IQCH: variants seen among roughly 807,000 people sequenced by gnomAD.
The protein encoded by IQCH is IQ domain-containing protein H.
Under a neutral mutation model 117.0 loss-of-function variants are expected in IQCH, and 98 were observed. The observed-to-expected ratio is 0.84, with a 90% CI of 0.71 to 0.99. The LOEUF is 0.99. IQCH is among the 50% of genes least tolerant of loss of function. IQCH has a pLI of 0.00. For missense variants in IQCH, 1,102 were observed against 1,243.8 expected, an observed-to-expected ratio of 0.89 and a Z score of 1.72; for synonymous variants, 412 against 448.2, an observed-to-expected ratio of 0.92 and a Z score of 1.02.
chr15:67,313,993 C>G (rs1967724132), intron 4 of IQCH, among the ~76,000 whole-genome samples: 1 of 152,124 alleles, frequency 6.6e-6, no homozygotes, highest in African/African-American at 2.4e-5. Flanking sequence ...GCAGCACCTT[C>G]CCCTGACCAT....
chr15:67,324,236 C>A (rs187749759), intron 4 of IQCH, among the ~76,000 whole-genome samples: 1 of 151,552 alleles, frequency 6.6e-6, no homozygotes, highest in Non-Finnish European at 1.5e-5. Context: ...TGAGCTACCA[C>A]GCCCAGCCTC....
In IQCH at chr15:67,336,646, ACCT is replaced by A. The variant is rs1968904375; in HGVS notation, c.388-324_388-322del. On this transcript the variant is annotated intron_variant, in intron 4 of 20. Transcript: ENST00000335894. ...GGTACAAAACTTTGCTGTATTCAAAACCTCCTCTGTCAAGATTTAGCATTTGTA... is the reference window on the plus strand; with the variant it reads ...GGTACAAAACTTTGCTGTATTCAAAACCTCTGTCAAGATTTAGCATTTGTA... 2.0e-5 allele frequency among the ~76,000 whole-genome samples: 3 copies of A among 152,254 alleles called. No homozygotes were observed. The South Asian group carries it at 6.2e-4, about 32-fold the overall frequency.
chr15:67,292,044 A>G, intron 4 of IQCH, among the ~76,000 whole-genome samples: 1 of 152,048 alleles, frequency 6.6e-6, no homozygotes, highest in East Asian at 1.9e-4. Flanking sequence ...ATGAGAGTGA[A>G]GCCCTCATGA....
rs780433894 is a variant in IQCH at position 67,359,914 on chromosome 15, T to A, written c.753+29T>A. ...TGTAATTTGTGTGACTAGTTGAAAT[T>A]TAGGGTCTGTCACCTGATGTCCCTT... is the stretch of plus-strand genomic sequence containing the variant. On this transcript the variant is annotated intron_variant, in intron 8 of 20. Transcript: ENST00000335894. This position sits in a 1 kb window ranked among gnomAD's most constrained non-coding sequence, Gnocchi z 4.5. 6.3e-7 allele frequency: 1 copy of A among 1,587,142 alleles called. No individual in the cohort carries two copies. Among genetic ancestry groups the A allele is most frequent in the Non-Finnish European group, 8.7e-7 (1 of 1,155,482 alleles).
At chr15:67,261,223 T>A (rs1596049520) in intron 1 of IQCH, 49 bp from the exon 2 acceptor site, 1 of 1,321,420 alleles carries the variant, frequency 7.6e-7, no homozygotes, top group African/African-American at 1.5e-5. Flanking sequence ...CTGCTATAGG[T>A]GGACTATGTG....
At chr15:67,302,964 A>G (rs776819228) in intron 4 of IQCH, among the ~76,000 whole-genome samples, 2 of 152,344 alleles carry the variant, frequency 1.3e-5, no homozygotes, top group African/African-American at 2.4e-5. Flanking sequence ...CTTATCTAGC[A>G]TACATTCTGT....
In IQCH at chr15:67,406,163, C is replaced by A. The variant is rs1971894168; in HGVS notation, c.2097+5858C>A. On this transcript the variant is annotated intron_variant, in intron 14 of 20. Coordinates refer to ENST00000335894, the MANE Select transcript of IQCH (RefSeq NM_001031715.3). This position sits in a 1 kb window ranked among gnomAD's most constrained non-coding sequence, Gnocchi z 4.5. ...GATCATTTTAGTGAGCCTGTAAATT[C>A]CCAAAAAGCTTTGAGTAGCCCACCT... 6.6e-6 allele frequency: 1 copy of A among 152,194 alleles called. No individual in the cohort carries two copies. Among genetic ancestry groups the A allele is most frequent in the African/African-American group, 2.4e-5 (1 of 41,442 alleles). The allele number at this position is 152,194 out of a possible 1,614,324, so 9.4% of individuals were successfully genotyped here. A position where few individuals can be genotyped will look rare whatever the true frequency, so the allele number is the denominator to read the frequency against.
intron 4 of IQCH, among the ~76,000 whole-genome samples, chr15:67,327,006 A>G (rs1968442127): frequency 6.6e-6 from 1 of 152,206 alleles, no homozygotes; most frequent in Non-Finnish European, 1.5e-5. Context: ...AAAGCATTGA[A>G]AATTTTACTT....
rs112928088 is a variant in IQCH at position 67,422,098 on chromosome 15, CAAA to C, written c.2505+534_2505+536del. ...TGGGTGACAGAGTGAAACTCCATCT[CAAA>C]AAAAAAAAAAAATAGTGACTGAATC... On this transcript the variant is annotated intron_variant, in intron 16 of 20. Coordinates refer to ENST00000335894, the MANE Select transcript of IQCH (RefSeq NM_001031715.3). This position sits in a 1 kb window ranked among gnomAD's most constrained non-coding sequence, Gnocchi z 4.7. Among the ~76,000 whole-genome samples, 3 of 124,418 alleles carry C rather than the reference CAAA, an allele frequency of 2.4e-5. No homozygotes were observed. The highest frequency in any genetic ancestry group is 3.0e-5 in the African/African-American group (1 of 33,424). The allele number at this position is 124,418 out of a possible 152,430, so 81.6% of individuals were successfully genotyped here. A position where few individuals can be genotyped will look rare whatever the true frequency, so the allele number is the denominator to read the frequency against.
chr15:67,373,621 A>C lies in IQCH; in HGVS notation c.1372+188A>C, dbSNP rs1444039135. On this transcript the variant is annotated intron_variant, in intron 10 of 20. Transcript: ENST00000335894. ...ACGGCGTTTAATTTGGGGATTAAGC[A>C]AATAAAGTCATTATGTGGGGGCTGC... 6.0e-6 allele frequency: 4 copies of C among 669,048 alleles called. No individual in the cohort carries two copies. The Admixed American group carries it at 9.9e-5, about 17-fold the overall frequency. The allele number at this position is 669,048 out of a possible 1,614,324, so 41.4% of individuals were successfully genotyped here.
chr15:67,385,489 A>T lies in IQCH; in HGVS notation c.1456+470A>T, dbSNP rs1166470859. Among the ~76,000 whole-genome samples, 1 of 152,230 alleles carries T rather than the reference A, an allele frequency of 6.6e-6. No homozygotes were observed. Among genetic ancestry groups the T allele is most frequent in the Admixed American group, 6.5e-5 (1 of 15,280 alleles). ...AAAAGAAGCTTTTATTTAAATATAGAGCATCTTATTATTAGAAAACGTGAA... is the reference window on the plus strand; with the variant it reads ...AAAAGAAGCTTTTATTTAAATATAGTGCATCTTATTATTAGAAAACGTGAA... On this transcript the variant is annotated intron_variant, in intron 11 of 20. Coordinates refer to ENST00000335894, the MANE Select transcript of IQCH (RefSeq NM_001031715.3). This position sits in a 1 kb window ranked among gnomAD's most constrained non-coding sequence, Gnocchi z 4.6.
At chr15:67,304,904 G>T (rs1967223591) in intron 4 of IQCH, among the ~76,000 whole-genome samples, 2 of 152,002 alleles carry the variant, frequency 1.3e-5, no homozygotes, top group African/African-American at 4.8e-5. Context: ...GGCAAGCAGG[G>T]ACTAAGCCTT....
At chr15:67,284,063 C>T (rs1966466930) in intron 4 of IQCH, among the ~76,000 whole-genome samples, 1 of 152,050 alleles carries the variant, frequency 6.6e-6, no homozygotes, top group African/African-American at 2.4e-5. Flanking sequence ...CAATTATACT[C>T]TTTAGTTATT....
intron 4 of IQCH, among the ~76,000 whole-genome samples, chr15:67,324,000 A>G (rs796406725): frequency 1.5e-5 from 2 of 130,982 alleles, no homozygotes; most frequent in African/African-American, 2.9e-5. Context: ...CTGGAATGCA[A>G]TGGCGTGATC....
At chr15:67,455,190 G>A (rs1319448493) in intron 16 of IQCH, among the ~76,000 whole-genome samples, 1 of 152,096 alleles carries the variant, frequency 6.6e-6, no homozygotes, top group Non-Finnish European at 1.5e-5. Context: ...GATTGATTGG[G>A]CACTACTAAT....
chr15:67,464,603 G>A (rs1338178483), intron 16 of IQCH, among the ~76,000 whole-genome samples: 1 of 152,094 alleles, frequency 6.6e-6, no homozygotes, highest in Non-Finnish European at 1.5e-5. Context: ...AGAAAATGGG[G>A]GTAGACCTAA....
chr15:67,340,628 A>G (rs946633594), intron 5 of IQCH, among the ~76,000 whole-genome samples: 2 of 152,146 alleles, frequency 1.3e-5, no homozygotes, highest in Non-Finnish European at 2.9e-5. Flanking sequence ...AGACTCAATC[A>G]GAGTTTCTGA....
Position 67,254,880 on chromosome 15 carries a change from C to G in IQCH, c.-17C>G, listed in dbSNP as rs776575211. 8.1e-6 allele frequency: 13 copies of G among 1,612,662 alleles called. No individual in the cohort carries two copies. Among genetic ancestry groups the G allele is most frequent in the East Asian group, 2.2e-5 (1 of 44,748 alleles). On this transcript the variant is annotated 5_prime_UTR_variant, in exon 1 of 21. Transcript: ENST00000335894. ...GAAACCGCGCCTCCGCGGAGGTAGC[C>G]GTTCCCTGACCTAGCCATGGCACAG... is the stretch of plus-strand genomic sequence containing the variant.
chr15:67,302,714 G>C (rs778489587), intron 4 of IQCH, among the ~76,000 whole-genome samples: 1 of 152,024 alleles, frequency 6.6e-6, no homozygotes, highest in Non-Finnish European at 1.5e-5. Flanking sequence ...AAAATTAGCC[G>C]GGTGTGGTAG....
Sources: allele counts gnomAD v4.1 joint callset (sites outside exome capture counted in the v4.1 genomes callset), GRCh38; gene constraint gnomAD v4.1.1; non-coding constraint Gnocchi (gnomAD v3.1); transcripts MANE v1.5; gene names NCBI Gene and HGNC (gene_info 2026-07-23, HGNC 2026-07-21).